Variants in NCAM2 observed in about 807,000 individuals in gnomAD.
NCAM2 encodes neural cell adhesion molecule 2, also known as N-CAM-2.
In NCAM2, 30 loss-of-function variants were observed where a neutral mutation model predicts 98.1. That is an observed-to-expected ratio of 0.31 (90% confidence interval 0.23 to 0.41). NCAM2 has a LOEUF of 0.41. NCAM2 is among the 10% of genes least tolerant of loss of function. The pLI is 1.00. For missense variants in NCAM2, 867 were observed against 1,005.8 expected (o/e 0.86, Z 1.87); for synonymous variants, 368 against 342.4 (o/e 1.07, Z -0.83).
At chr21:21,119,931 T>C (rs1421957584) in intron 1 of NCAM2, among the ~76,000 whole-genome samples, 2 of 152,230 alleles carry the variant, frequency 1.3e-5, no homozygotes, top group Non-Finnish European at 2.9e-5. Context: ...TTCTACTTTG[T>C]TTTCAGTTTT....
At chr21:21,100,023 T>C (rs1403983598) in intron 1 of NCAM2, among the ~76,000 whole-genome samples, 5 of 151,932 alleles carry the variant, frequency 3.3e-5, no homozygotes, top group Non-Finnish European at 7.4e-5. Context: ...TTTCTAACCT[T>C]TCTACCTTTC....
chr21:21,172,371 CT>C (rs2068153310), intron 1 of NCAM2, among the ~76,000 whole-genome samples: 1 of 151,998 alleles, frequency 6.6e-6, no homozygotes, highest in Admixed American at 6.6e-5. Flanking sequence ...TCATTTTGAC[CT>C]AACATGTTTG....
chr21:21,077,222 G>T (rs2065698657), intron 1 of NCAM2, among the ~76,000 whole-genome samples: 1 of 152,124 alleles, frequency 6.6e-6, no homozygotes, highest in African/African-American at 2.4e-5. Flanking sequence ...AACTGACATG[G>T]TGATTATTTA....
chr21:21,385,182 T>C (rs1007429259), intron 9 of NCAM2, among the ~76,000 whole-genome samples: 1 of 152,200 alleles, frequency 6.6e-6, no homozygotes, highest in African/African-American at 2.4e-5. Flanking sequence ...GGTTTGTTAT[T>C]AGATATTTTA....
At chr21:21,025,666 A>AT (rs1436605493) in intron 1 of NCAM2, among the ~76,000 whole-genome samples, 8 of 152,174 alleles carry the variant, frequency 5.3e-5, no homozygotes, top group Non-Finnish European at 8.8e-5. Flanking sequence ...ATCAATATTC[A>AT]TTTTTTTCAC....
intron 1 of NCAM2, among the ~76,000 whole-genome samples, chr21:21,184,966 G>A (rs2068592407): frequency 3.3e-5 from 5 of 152,114 alleles, no homozygotes; most frequent in Admixed American, 3.3e-4. Context: ...ATTTGTCTGA[G>A]GTGATAGGGG....
In NCAM2 at chr21:21,538,551, A is replaced by G. The variant is rs1465087343; in HGVS notation, c.*594A>G. ...CAAGTTATGATTCAGTGCATTTTCA[A>G]CATTGATTTTTGATAGACTGAAGTG... On this transcript the variant is annotated 3_prime_UTR_variant, in exon 18 of 18. Transcript: ENST00000400546. 6.6e-6 allele frequency: 1 copy of G among 152,542 alleles called. No individual in the cohort carries two copies. The highest frequency in any genetic ancestry group is 1.9e-4 in the East Asian group (1 of 5,192). The allele number at this position is 152,542 out of a possible 1,614,324, so 9.4% of individuals were successfully genotyped here. A position where few individuals can be genotyped will look rare whatever the true frequency, so the allele number is the denominator to read the frequency against.
At chr21:21,370,687 C>A (rs1568989145) in intron 8 of NCAM2, among the ~76,000 whole-genome samples, 1 of 151,700 alleles carries the variant, frequency 6.6e-6, no homozygotes, top group African/African-American at 2.4e-5. Flanking sequence ...AACTCCAGGG[C>A]TAGACAACCT....
intron 12 of NCAM2, among the ~76,000 whole-genome samples, chr21:21,435,062 A>G (rs181166968): frequency 1.3e-5 from 2 of 152,158 alleles, no homozygotes; most frequent in African/African-American, 4.8e-5. Flanking sequence ...CAGAATATTC[A>G]TCATGGGGTG....
intron 1 of NCAM2, among the ~76,000 whole-genome samples, chr21:21,154,381 G>T (rs556404158): frequency 1.8e-4 from 27 of 151,920 alleles, no homozygotes; most frequent in Admixed American, 1.1e-3. Context: ...ATGGAATATG[G>T]ATAGCATAGT....
chr21:21,082,292 A>AC (rs1016443732), intron 1 of NCAM2, among the ~76,000 whole-genome samples: 2 of 150,898 alleles, frequency 1.3e-5, no homozygotes, highest in African/African-American at 2.4e-5. Flanking sequence ...AAAAAAAAAA[A>AC]AACAAAACAA....
intron 1 of NCAM2, among the ~76,000 whole-genome samples, chr21:21,031,311 C>A (rs1400945261): frequency 6.6e-6 from 1 of 152,116 alleles, no homozygotes; most frequent in Non-Finnish European, 1.5e-5. Flanking sequence ...AGGTATTAAT[C>A]CCAATAAATA....
In NCAM2 at chr21:21,432,261, T is replaced by A; in HGVS notation, c.1634T>A (p.Val545Glu). 6.2e-7 allele frequency: 1 copy of A among 1,614,050 alleles called. No individual in the cohort carries two copies. The change falls in exon 12 of 18, where the codon GTA (valine) becomes GAA (glutamate). Residue 545 changes from valine (V) to glutamate (E), a missense_variant. By Grantham distance (121) the Val-to-Glu change is moderately radical. This residue lies in a region of NCAM2 where 234 missense variants were observed against 333.8 expected (regional missense o/e 0.70). Coordinates refer to ENST00000400546, the MANE Select transcript of NCAM2 (RefSeq NM_004540.5). ...KEVASEIWKI[V>E]RSHGVQTMVV... Reference sequence around the variant, plus strand: ...GTAGCGTCAGAAATCTGGAAAATTGTACGCTCCCATGGAGTTCAAAGTGAG... The same window carrying A: ...GTAGCGTCAGAAATCTGGAAAATTGAACGCTCCCATGGAGTTCAAAGTGAG...
rs144365579 is a variant in NCAM2, at chr21:21,390,470, G to T, written c.1195+16457G>T. ...TCAGAGCTGAGAATAGACTGAAAGG[G>T]GTACAAAGGCAGAAGCAAGGGAGGG... On this transcript the variant is annotated intron_variant, in intron 9 of 17. Coordinates refer to ENST00000400546, the MANE Select transcript of NCAM2 (RefSeq NM_004540.5). 1.8e-4 allele frequency among the ~76,000 whole-genome samples: 28 copies of T among 152,140 alleles called. No homozygotes were observed. The Middle Eastern group carries it at 0.01, about 55-fold the overall frequency.
chr21:21,446,067 A>AT (rs1227077813), intron 12 of NCAM2, among the ~76,000 whole-genome samples: 2 of 151,680 alleles, frequency 1.3e-5, no homozygotes, highest in African/African-American at 4.8e-5. Context: ...TCTGAAAATG[A>AT]TTTTTTTTCT....
Position 21,431,038 on chromosome 21 carries a change from C to T in NCAM2, c.1481-1070C>T, listed in dbSNP as rs796617508. ...ACTCCAGCCTGGCCAGAAAACGAAA[C>T]TCCGTCTCAAAAAAAAAAAAAAAAA... On this transcript the variant is annotated intron_variant, in intron 11 of 17. Transcript: ENST00000400546. Among the ~76,000 whole-genome samples the T allele has an allele frequency of 3.7e-3, 349 of 93,988 alleles. 2 individuals carry two copies. Among genetic ancestry groups the T allele is most frequent in the African/African-American group, 0.016 (337 of 21,212 alleles). The allele number at this position is 93,988 out of a possible 152,430, so 61.7% of individuals were successfully genotyped here.
intron 1 of NCAM2, among the ~76,000 whole-genome samples, chr21:21,050,767 G>A (rs968750109): frequency 1.1e-4 from 17 of 152,242 alleles, no homozygotes; most frequent in South Asian, 4.1e-4. Flanking sequence ...ATGCCTATAC[G>A]CCTGCGTGAT....
At chr21:21,029,452 C>A (rs1020122152) in intron 1 of NCAM2, among the ~76,000 whole-genome samples, 5 of 151,990 alleles carry the variant, frequency 3.3e-5, no homozygotes, top group African/African-American at 4.8e-5. Flanking sequence ...CCTATGTCTG[C>A]GGTTAACTTT....
At chr21:21,114,307 GCT>G (rs2066511191) in intron 1 of NCAM2, among the ~76,000 whole-genome samples, 1 of 152,058 alleles carries the variant, frequency 6.6e-6, no homozygotes, top group Non-Finnish European at 1.5e-5. Context: ...AAAGCCCTTT[GCT>G]CTCTACAAAA....
Sources: allele counts gnomAD v4.1 joint callset (sites outside exome capture counted in the v4.1 genomes callset), GRCh38; gene constraint gnomAD v4.1.1; regional missense constraint gnomAD v4.1.1; transcripts MANE v1.5; gene names NCBI Gene and HGNC (gene_info 2026-07-23, HGNC 2026-07-21).